DZIP3: variants seen among roughly 807,000 people sequenced by gnomAD.
DZIP3 encodes DAZ interacting zinc finger protein 3.
In DZIP3, 118 loss-of-function variants were observed where a neutral mutation model predicts 162.0. That is an observed-to-expected ratio of 0.73 (90% CI 0.63 to 0.85). DZIP3 has a LOEUF of 0.85. Ranked by LOEUF, DZIP3 falls within the 40% of genes least tolerant of loss-of-function variation. The probability of loss-of-function intolerance (pLI) is 0.00; values close to 1 mark genes in which losing one functional copy is unlikely to be tolerated. For missense variants in DZIP3, 1,331 were observed against 1,407.0 expected (o/e 0.95, Z 0.86); for synonymous variants, 438 against 458.6 (o/e 0.96, Z 0.57).
Position 108,668,340 on chromosome 3 carries a change from G to A in DZIP3, c.2424-1341G>A, listed in dbSNP as rs542213156. On this transcript the variant is annotated intron_variant, in intron 21 of 32. Coordinates refer to ENST00000361582, the MANE Select transcript of DZIP3 (RefSeq NM_014648.4). ...AAAGAAAATCTAGTAATTTCATTCT[G>A]TTATATTAAACATGAGAAAAAGACT... Among the ~76,000 whole-genome samples, 4 of 152,094 alleles carry A rather than the reference G, an allele frequency of 2.6e-5. No homozygotes were observed. In the East Asian group the frequency reaches 7.7e-4, roughly 29 times the overall value.
rs2290443 is a variant in DZIP3, at chr3:108,610,927, T to C, written c.103-247T>C. Among the ~76,000 whole-genome samples, 99 of 152,346 alleles carry C rather than the reference T, an allele frequency of 6.5e-4. 2 individuals are homozygous for C. In the East Asian group the frequency reaches 0.018, roughly 28 times the overall value. On this transcript the variant is annotated intron_variant, in intron 3 of 32. Coordinates refer to ENST00000361582, the MANE Select transcript of DZIP3 (RefSeq NM_014648.4). ...TGTTTAATAGCTGACGCATCAGTCA[T>C]ATAATGTAAAAAGCACATTTAGATA...
At chr3:108,616,854 A>T (rs549074155) in intron 5 of DZIP3, among the ~76,000 whole-genome samples, 197 bp downstream of exon 5, 1 of 152,084 alleles carries the variant, frequency 6.6e-6, no homozygotes, top group African/African-American at 2.4e-5. Flanking sequence ...TGACTTATGT[A>T]TGTCTTGTAC....
intron 1 of DZIP3, among the ~76,000 whole-genome samples, chr3:108,595,014 C>T (rs1939637632): frequency 6.6e-6 from 1 of 152,104 alleles, no homozygotes; most frequent in African/African-American, 2.4e-5. Flanking sequence ...GTCATTTATT[C>T]ATCAAATGTT....
At chr3:108,659,469 G>A (rs969037876) in intron 19 of DZIP3, among the ~76,000 whole-genome samples, 5 of 152,108 alleles carry the variant, frequency 3.3e-5, no homozygotes, top group Non-Finnish European at 4.4e-5. Context: ...AATAAATTAG[G>A]TATTGATGGG....
intron 6 of DZIP3, 117 bp downstream of exon 6, chr3:108,624,641 C>G (rs73210672): frequency 0.013 from 6,589 of 505,490 alleles, 56 homozygotes; most frequent in Non-Finnish European, 0.017. Context: ...TAGCTTATAA[C>G]TTCATTTCTT....
chr3:108,688,546 GT>G, intron 29 of DZIP3, 46 bp from the exon 30 acceptor site: 1 of 1,585,124 alleles, frequency 6.3e-7, no homozygotes, highest in Non-Finnish European at 8.6e-7. Context: ...AGCTCTTACT[GT>G]TTTAGGATAA....
intron 25 of DZIP3, 108 bp from the exon 26 acceptor site, chr3:108,677,389 G>A: frequency 1.2e-6 from 1 of 807,164 alleles, no homozygotes; most frequent in Non-Finnish European, 1.9e-6. Flanking sequence ...TGACAGGTTG[G>A]CAACCACTCT....
At chr3:108,674,547 A>G (rs1441276479) in intron 24 of DZIP3, among the ~76,000 whole-genome samples, 1 of 151,942 alleles carries the variant, frequency 6.6e-6, no homozygotes. Flanking sequence ...TCAGAGACAT[A>G]CGTGAACACC....
intron 4 of DZIP3, 70 bp downstream of exon 4, chr3:108,611,399 T>C (rs1372094373): frequency 5.8e-6 from 9 of 1,558,034 alleles, no homozygotes; most frequent in African/African-American, 1.4e-5. Flanking sequence ...ATTAAAATTC[T>C]TTTTAAACCA....
At chr3:108,622,539 T>C (rs1431726428) in intron 5 of DZIP3, among the ~76,000 whole-genome samples, 1 of 152,194 alleles carries the variant, frequency 6.6e-6, no homozygotes, top group South Asian at 2.1e-4. Context: ...TGTCCATCGA[T>C]GTCTGGGCAT....
chr3:108,637,678 T>G, intron 12 of DZIP3, 130 bp downstream of exon 12: 1 of 534,806 alleles, frequency 1.9e-6, no homozygotes, highest in South Asian at 3.3e-5. Flanking sequence ...AAAAATCATA[T>G]TTAATTGCCA....
chr3:108,612,321 C>G (rs1940757709), intron 4 of DZIP3, among the ~76,000 whole-genome samples: 1 of 152,084 alleles, frequency 6.6e-6, no homozygotes, highest in South Asian at 2.1e-4. Context: ...TTCCAACAAA[C>G]TGAAGATATT....
chr3:108,641,759 G>A (rs1942410754), intron 12 of DZIP3, among the ~76,000 whole-genome samples: 1 of 152,058 alleles, frequency 6.6e-6, no homozygotes, highest in African/African-American at 2.4e-5. Context: ...GTGTTATAGT[G>A]GTACTGGAGA....
At chr3:108,668,060 A>G (rs891822252) in intron 21 of DZIP3, among the ~76,000 whole-genome samples, 1 of 152,082 alleles carries the variant, frequency 6.6e-6, no homozygotes, top group Non-Finnish European at 1.5e-5. Flanking sequence ...GGCTTCTTTC[A>G]TCTTAGAATA....
intron 11 of DZIP3, 73 bp from the exon 12 acceptor site, chr3:108,637,423 A>G: frequency 7.5e-7 from 1 of 1,332,722 alleles, no homozygotes; most frequent in South Asian, 1.2e-5. Flanking sequence ...TCAAATGTTA[A>G]GCTAAGAAAT....
intron 26 of DZIP3, among the ~76,000 whole-genome samples, chr3:108,684,014 A>G (rs932184687): frequency 3.3e-5 from 5 of 151,734 alleles, no homozygotes; most frequent in African/African-American, 7.3e-5. Context: ...GCTGTTTTCA[A>G]TATATCTCAT....
chr3:108,594,306 T>A (rs1212428179), intron 1 of DZIP3, among the ~76,000 whole-genome samples: 1 of 152,088 alleles, frequency 6.6e-6, no homozygotes, highest in Non-Finnish European at 1.5e-5. Flanking sequence ...ATTCATCTTT[T>A]ATTTACTTTG....
chr3:108,657,002 G>A (rs1202390852), intron 19 of DZIP3, among the ~76,000 whole-genome samples: 3 of 152,166 alleles, frequency 2.0e-5, no homozygotes, highest in Non-Finnish European at 2.9e-5. Flanking sequence ...CCAAATCTAC[G>A]TCTGATTGGT....
intron 25 of DZIP3, among the ~76,000 whole-genome samples, chr3:108,677,260 T>C (rs1944145314): frequency 6.6e-6 from 1 of 152,060 alleles, no homozygotes; most frequent in African/African-American, 2.4e-5. Flanking sequence ...CTGTGAATTA[T>C]CTGTGTCTCT....
Sources: allele counts gnomAD v4.1 joint callset (sites outside exome capture counted in the v4.1 genomes callset), GRCh38; gene constraint gnomAD v4.1.1; transcripts MANE v1.5; gene names NCBI Gene and HGNC (gene_info 2026-07-23, HGNC 2026-07-21).